The following DNMT3A variants were observed in gnomAD, a reference collection of about 807,000 sequenced individuals.
DNMT3A encodes the protein DNA (cytosine-5)-methyltransferase 3A.
DNMT3A carries 267 observed loss-of-function variants against 117.6 expected under a neutral mutation model. The ratio of observed to expected loss-of-function variants is 2.27; its 90% CI spans 2.05 to 2.51. The LOEUF is 2.51. Ranked by LOEUF, DNMT3A falls within the 30% of genes most tolerant of loss-of-function variation. The probability of loss-of-function intolerance (pLI) is 0.00; values close to 1 mark genes in which losing one functional copy is unlikely to be tolerated. For synonymous variants in DNMT3A, 432 were observed against 474.8 expected (o/e 0.91, Z 1.17); for missense variants, 1,029 against 1,260.2 (o/e 0.82, Z 2.78).
rs1187355280 is a variant in DNMT3A, at chr2:25,231,900, A to G, written c.*2379T>C. The G allele has an allele frequency of 6.6e-6, 1 of 150,914 alleles. No individual in the cohort carries two copies. Among genetic ancestry groups the G allele is most frequent in the Non-Finnish European group, 1.5e-5 (1 of 67,844 alleles). 9.3% of individuals were successfully genotyped at this position (150,914 alleles called of 1,614,324 possible). ...GTAAATAGCTGCACGGGCTGACTCC[A>G]CAAAGTCCTGAACCCTGGGAGAAGA... On this transcript the variant is annotated 3_prime_UTR_variant, in exon 23 of 23. Transcript: ENST00000321117.
intron 6 of DNMT3A, among the ~76,000 whole-genome samples, chr2:25,268,504 C>T (rs557095707): frequency 6.6e-6 from 1 of 152,168 alleles, no homozygotes; most frequent in African/African-American, 2.4e-5. Context: ...AGCGAGAGGC[C>T]CTTCCTAACC....
chr2:25,303,814 G>A (rs750823323), intron 2 of DNMT3A, among the ~76,000 whole-genome samples: 1 of 152,400 alleles, frequency 6.6e-6, no homozygotes, highest in Non-Finnish European at 1.5e-5. Context: ...TCTGCGGAGG[G>A]AGGGGGCTAA....
chr2:25,340,463 C>T (rs1230674661), intron 1 of DNMT3A, among the ~76,000 whole-genome samples: 1 of 151,978 alleles, frequency 6.6e-6, no homozygotes, highest in Non-Finnish European at 1.5e-5. Flanking sequence ...CGATGAGGGG[C>T]TGGGGGAGGC....
rs2033723750 is a variant in DNMT3A, at chr2:25,305,241, T to G, written c.73-4998A>C. 6.6e-6 allele frequency among the ~76,000 whole-genome samples: 1 copy of G among 152,246 alleles called. No individual in the cohort carries two copies. Among genetic ancestry groups the G allele is most frequent in the Non-Finnish European group, 1.5e-5 (1 of 68,046 alleles). On this transcript the variant is annotated intron_variant, in intron 2 of 22. Coordinates refer to ENST00000321117, the MANE Select transcript of DNMT3A (RefSeq NM_022552.5). The surrounding 1 kb of genome is among the most constrained non-coding windows in gnomAD (Gnocchi z 4.1). The stretch of plus-strand genomic sequence containing the variant: ...AAAACGTCCCTTCTAGACTTAAACA[T>G]AATTGTCACTTTGCATTTATGTCAT...
In DNMT3A at chr2:25,296,218, A is replaced by T. The variant is rs2033079259; in HGVS notation, c.177+3921T>A. Among the ~76,000 whole-genome samples the T allele has an allele frequency of 6.6e-6, 1 of 152,046 alleles. No homozygotes were observed. Among genetic ancestry groups the T allele is most frequent in the Non-Finnish European group, 1.5e-5 (1 of 68,012 alleles). ...CAGTTCATTTTTATTAACTTTGGAG[A>T]CAGTTGGAGAAGGGAAAGGCCAGTG... On this transcript the variant is annotated intron_variant, in intron 3 of 22. Coordinates refer to ENST00000321117, the MANE Select transcript of DNMT3A (RefSeq NM_022552.5). The surrounding 1 kb of genome is among the most constrained non-coding windows in gnomAD (Gnocchi z 4.2).
chr2:25,243,245 C>T (rs894515674), intron 16 of DNMT3A, among the ~76,000 whole-genome samples: 3 of 149,392 alleles, frequency 2.0e-5, no homozygotes, highest in Non-Finnish European at 3.0e-5. Context: ...GCAGAGGTTG[C>T]AGTGGGCCAA....
At chr2:25,342,423 C>T (rs2035498097), upstream of DNMT3A, 1 of 152,248 alleles carries the variant, frequency 6.6e-6, no homozygotes, top group Non-Finnish European at 1.5e-5. This position sits in a 1 kb window ranked among gnomAD's most constrained non-coding sequence, Gnocchi z 5.9. Context: ...GCTGGGCGCC[C>T]CGCTACCTGG....
Position 25,246,538 on chromosome 2 carries a change from C to T in DNMT3A, c.1279+82G>A, listed in dbSNP as rs2149301910. 43 of 1,537,388 alleles carry T rather than the reference C, an allele frequency of 2.8e-5. 1 individual carries two copies. The South Asian group carries it at 5.5e-4, about 20-fold the overall frequency. ...CCCCTCTGTGGAGGCCTTGGCAGCC[C>T]TCCCTAAGCATGGCTTTCCCAGCCC... On this transcript the variant is annotated intron_variant, in intron 10 of 22. Coordinates refer to ENST00000321117, the MANE Select transcript of DNMT3A (RefSeq NM_022552.5).
chr2:25,289,957 G>A (rs1170476975), intron 3 of DNMT3A, among the ~76,000 whole-genome samples: 1 of 152,166 alleles, frequency 6.6e-6, no homozygotes, highest in African/African-American at 2.4e-5. Context: ...CCCAATATGG[G>A]GAGGTGATTT....
chr2:25,342,251 C>T (rs1183210888), upstream of DNMT3A, among the ~76,000 whole-genome samples: 2 of 148,700 alleles, frequency 1.3e-5, no homozygotes, highest in Admixed American at 6.7e-5. The surrounding 1 kb of genome is among the most constrained non-coding windows in gnomAD (Gnocchi z 5.9). Context: ...CCGGCCTCTG[C>T]GGCCCCGCCG....
chr2:25,332,914 C>T (rs771624249), intron 1 of DNMT3A, among the ~76,000 whole-genome samples: 3 of 152,250 alleles, frequency 2.0e-5, no homozygotes, highest in African/African-American at 4.8e-5. Flanking sequence ...GCCTCCAGGC[C>T]GTGGGGCAGA....
chr2:25,302,158 A>G (rs1345636004), intron 2 of DNMT3A, among the ~76,000 whole-genome samples: 2 of 152,120 alleles, frequency 1.3e-5, no homozygotes, highest in Admixed American at 6.5e-5. Context: ...TGGTGGCCAC[A>G]GTCAAGCTGG....
At chr2:25,276,113 C>T (rs931844850) in intron 4 of DNMT3A, among the ~76,000 whole-genome samples, 1 of 152,180 alleles carries the variant, frequency 6.6e-6, no homozygotes, top group Non-Finnish European at 1.5e-5. Flanking sequence ...CTCTACGAGA[C>T]TCAGTTTCCT....
chr2:25,292,958 G>C (rs1248797319), intron 3 of DNMT3A, among the ~76,000 whole-genome samples: 4 of 151,976 alleles, frequency 2.6e-5, no homozygotes, highest in Admixed American at 6.6e-5. Flanking sequence ...ATGACTCGCT[G>C]AAGGTGGCCC....
Position 25,232,898 on chromosome 2 carries a change from G to GC in DNMT3A, c.*1380dup. ...CATCACATTCCAGGGGCCGGGAGCC[G>GC]CCTTGTGCACAGAGGGGTGGATGGT... On this transcript the variant is annotated 3_prime_UTR_variant, in exon 23 of 23. Transcript: ENST00000321117. The surrounding 1 kb of genome is among the most constrained non-coding windows in gnomAD (Gnocchi z 4.1). 1 of 229,430 alleles carries GC rather than the reference G, an allele frequency of 4.4e-6. No homozygotes were observed. The highest frequency in any genetic ancestry group is 6.2e-5 in the East Asian group (1 of 16,166). 14.2% of individuals were successfully genotyped at this position (229,430 alleles called of 1,614,324 possible).
At chr2:25,309,889 T>C (rs1439053151) in intron 2 of DNMT3A, among the ~76,000 whole-genome samples, 2 of 147,562 alleles carry the variant, frequency 1.4e-5, no homozygotes, top group Non-Finnish European at 3.0e-5. Context: ...CCGTCTCTAC[T>C]AAAAAAAAAA....
In DNMT3A at chr2:25,261,379, C is replaced by A. The variant is rs1171907143; in HGVS notation, c.640-13127G>T. The stretch of plus-strand genomic sequence containing the variant: ...ACTTGAACCCGGGAGGCAGAGGTTG[C>A]AGTGAGCCAAGACCATGCCACTGCA... On this transcript the variant is annotated intron_variant, in intron 6 of 22. Coordinates refer to ENST00000321117, the MANE Select transcript of DNMT3A (RefSeq NM_022552.5). Among the ~76,000 whole-genome samples the A allele has an allele frequency of 2.1e-5, 3 of 139,824 alleles. No homozygotes were observed. The South Asian group carries it at 6.8e-4, about 32-fold the overall frequency. 91.7% of individuals were successfully genotyped at this position (139,824 alleles called of 152,430 possible).
chr2:25,278,401 G>A (rs1230140009), intron 4 of DNMT3A, among the ~76,000 whole-genome samples: 8 of 152,234 alleles, frequency 5.3e-5, no homozygotes, highest in Non-Finnish European at 1.2e-4. Context: ...GCCTGAAAAG[G>A]GGCCCTATGC....
chr2:25,334,972 A>AT (rs1019103087), intron 1 of DNMT3A, among the ~76,000 whole-genome samples: 3 of 152,164 alleles, frequency 2.0e-5, no homozygotes, highest in African/African-American at 7.2e-5. Context: ...GTTCATTTAC[A>AT]TTTTTTCAAA....
Sources: gnomAD v4.1 joint callset for allele counts (sites outside exome capture counted in the v4.1 genomes callset) on GRCh38, gnomAD v4.1.1 for gene constraint, Gnocchi (gnomAD v3.1) non-coding constraint, MANE v1.5 for transcripts, NCBI Gene and HGNC (gene_info 2026-07-23, HGNC 2026-07-21) for gene names.